NKAIN2: variants seen among roughly 807,000 people sequenced by gnomAD.
The protein encoded by NKAIN2 is sodium/potassium transporting ATPase interacting 2, also known as sodium/potassium-transporting ATPase subunit beta-1-interacting protein 2.
In NKAIN2, 14 loss-of-function variants were observed where a neutral mutation model predicts 32.6. That is an observed-to-expected ratio of 0.43 (90% CI 0.28 to 0.67). The LOEUF (loss-of-function observed/expected upper bound fraction) is 0.67. Among genes scored for constraint, NKAIN2 ranks in the 30% least tolerant of loss-of-function variants. NKAIN2 has a pLI of 0.17. For missense variants in NKAIN2, 198 were observed against 258.3 expected (o/e 0.77, Z 1.60); for synonymous variants, 80 against 87.2 (o/e 0.92, Z 0.46).
chr6:124,215,662 CA>C (rs1791433020), intron 1 of NKAIN2, among the ~76,000 whole-genome samples: 1 of 152,114 alleles, frequency 6.6e-6, no homozygotes, highest in Admixed American at 6.6e-5. Context: ...ACCTAACTGT[CA>C]TAAGAGTAAG....
chr6:123,932,406 C>CTTTTTTTTTT (rs57063550), intron 1 of NKAIN2, among the ~76,000 whole-genome samples: 74 of 104,424 alleles, frequency 7.1e-4, no homozygotes, highest in African/African-American at 2.0e-3. Flanking sequence ...TTCTGTCTTT[C>CTTTTTTTTTT]TTTTTTTTTT....
At chr6:123,856,879 C>CA (rs1775575754) in intron 1 of NKAIN2, among the ~76,000 whole-genome samples, 1 of 152,140 alleles carries the variant, frequency 6.6e-6, no homozygotes, top group Non-Finnish European at 1.5e-5. Context: ...ATCACATAAA[C>CA]AATAAAAATA....
chr6:124,344,245 T>C (rs957798208), intron 2 of NKAIN2, among the ~76,000 whole-genome samples: 1 of 152,152 alleles, frequency 6.6e-6, no homozygotes. Flanking sequence ...CCTTGTAGTA[T>C]AGTTTGAAGT....
chr6:123,936,333 A>G (rs1776510490), intron 1 of NKAIN2, among the ~76,000 whole-genome samples: 1 of 152,208 alleles, frequency 6.6e-6, no homozygotes, highest in Admixed American at 6.5e-5. Flanking sequence ...ACTATTCTGC[A>G]TAAACTAGAA....
intron 4 of NKAIN2, among the ~76,000 whole-genome samples, chr6:124,680,308 A>G (rs1773554679): frequency 6.6e-6 from 1 of 152,162 alleles, no homozygotes; most frequent in East Asian, 1.9e-4. Flanking sequence ...GCAGTTGATG[A>G]TTTGATGAGT....
intron 3 of NKAIN2, among the ~76,000 whole-genome samples, chr6:124,462,020 TATTAA>T (rs1160161407): frequency 4.6e-5 from 7 of 151,998 alleles, no homozygotes; most frequent in Non-Finnish European, 2.9e-5. Flanking sequence ...CATGTAACAA[TATTAA>T]ATTCTAGGAC....
intron 3 of NKAIN2, among the ~76,000 whole-genome samples, chr6:124,590,749 G>T (rs1184150159): frequency 6.6e-6 from 1 of 152,012 alleles, no homozygotes; most frequent in Non-Finnish European, 1.5e-5. Context: ...GCTTCGCAGG[G>T]GTTTGAAGAA....
chr6:123,890,585 G>A lies in NKAIN2; in HGVS notation c.54+86331G>A, dbSNP rs117615436. ...TAGCCATCAGTGTTTATTTCAATCC[G>A]AGGCCTTATGTGAAAAATAGTACAA... On this transcript the variant is annotated intron_variant, in intron 1 of 6. Transcript: ENST00000368417. 1.2e-3 allele frequency among the ~76,000 whole-genome samples: 183 copies of A among 152,054 alleles called. 7 individuals are homozygous for A. The East Asian group carries it at 0.033, about 27-fold the overall frequency.
At chr6:124,307,979 T>A (rs917015258) in intron 2 of NKAIN2, among the ~76,000 whole-genome samples, 30 of 152,170 alleles carry the variant, frequency 2.0e-4, no homozygotes, top group East Asian at 1.9e-3. Flanking sequence ...TTAAAAAAAA[T>A]TTTTTTTATT....
chr6:124,232,024 A>T (rs1047946402), intron 1 of NKAIN2, among the ~76,000 whole-genome samples: 2 of 152,080 alleles, frequency 1.3e-5, no homozygotes, highest in African/African-American at 4.8e-5. Flanking sequence ...CAGAATTTTA[A>T]ACTCCGTTCT....
intron 3 of NKAIN2, among the ~76,000 whole-genome samples, chr6:124,403,251 T>C (rs1474387492): frequency 2.6e-5 from 4 of 152,080 alleles, no homozygotes; most frequent in Non-Finnish European, 5.9e-5. Flanking sequence ...CTAAACGTTC[T>C]CTTTTAAATT....
At chr6:123,963,104 C>G (rs1348850709) in intron 1 of NKAIN2, among the ~76,000 whole-genome samples, 1 of 152,120 alleles carries the variant, frequency 6.6e-6, no homozygotes, top group Admixed American at 6.6e-5. Flanking sequence ...GTTGTGGAAA[C>G]CTCGAAACTC....
intron 1 of NKAIN2, among the ~76,000 whole-genome samples, chr6:123,885,906 C>T (rs1399729161): frequency 4.2e-5 from 6 of 141,922 alleles, no homozygotes; most frequent in Non-Finnish European, 9.1e-5. Flanking sequence ...TGACACCAGC[C>T]AATGAGGAAT....
At chr6:124,485,037 G>A (rs1279729969) in intron 3 of NKAIN2, among the ~76,000 whole-genome samples, 1 of 152,052 alleles carries the variant, frequency 6.6e-6, no homozygotes, top group East Asian at 1.9e-4. Flanking sequence ...CAGTACCAGG[G>A]GTCAGAACTG....
chr6:123,981,932 G>A (rs759464260), intron 1 of NKAIN2, among the ~76,000 whole-genome samples: 9 of 152,150 alleles, frequency 5.9e-5, no homozygotes, highest in Non-Finnish European at 1.2e-4. Context: ...CAGTATCAGA[G>A]TGATTTGGAG....
chr6:123,935,549 T>G (rs1205094175), intron 1 of NKAIN2, among the ~76,000 whole-genome samples: 1 of 151,972 alleles, frequency 6.6e-6, no homozygotes, highest in Non-Finnish European at 1.5e-5. Context: ...AGTTTAAGAG[T>G]GTATTTGATT....
chr6:123,900,437 T>C (rs1010737031), intron 1 of NKAIN2, among the ~76,000 whole-genome samples: 11 of 149,554 alleles, frequency 7.4e-5, no homozygotes, highest in African/African-American at 2.2e-4. Flanking sequence ...CGCGCCACTC[T>C]ACTCCAGCCT....
At chr6:123,881,901 G>A (rs1031941552) in intron 1 of NKAIN2, among the ~76,000 whole-genome samples, 2 of 151,994 alleles carry the variant, frequency 1.3e-5, no homozygotes, top group Non-Finnish European at 2.9e-5. Flanking sequence ...TTAACATGGT[G>A]CATTACCTAA....
At chr6:124,205,563 T>C (rs1022142398) in intron 1 of NKAIN2, among the ~76,000 whole-genome samples, 3 of 151,688 alleles carry the variant, frequency 2.0e-5, no homozygotes, top group African/African-American at 7.3e-5. Context: ...GTCATCAAAA[T>C]AGATTATTCT....
Sources: allele counts gnomAD v4.1 joint callset (sites outside exome capture counted in the v4.1 genomes callset), GRCh38; gene constraint gnomAD v4.1.1; transcripts MANE v1.5; gene names NCBI Gene and HGNC (gene_info 2026-07-23, HGNC 2026-07-21).